The following ANKRD18A variants were observed in gnomAD, a reference collection of about 807,000 sequenced individuals.
ANKRD18A encodes ankyrin repeat domain-containing protein 18A.
Under a neutral mutation model 110.6 loss-of-function variants are expected in ANKRD18A, and 72 were observed. The ratio of observed to expected loss-of-function variants is 0.65; its 90% CI spans 0.54 to 0.79. ANKRD18A has a LOEUF of 0.79. Ranked by LOEUF, ANKRD18A falls within the 30% of genes least tolerant of loss-of-function variation. The pLI is 0.00. For missense variants in ANKRD18A, 934 were observed against 1,163.3 expected, an observed-to-expected ratio of 0.80 and a Z score of 2.87; for synonymous variants, 305 against 410.3, an observed-to-expected ratio of 0.74 and a Z score of 3.10.
chr9:38,596,798 C>T (rs1824901486), intron 8 of ANKRD18A, among the ~76,000 whole-genome samples: 1 of 152,090 alleles, frequency 6.6e-6, no homozygotes, highest in Non-Finnish European at 1.5e-5. Context: ...ATAGTAAGAC[C>T]TTTACCTCGA....
At chr9:38,570,241 G>A (rs1313026999), downstream of ANKRD18A, among the ~76,000 whole-genome samples, 1 of 151,980 alleles carries the variant, frequency 6.6e-6, no homozygotes, top group Non-Finnish European at 1.5e-5. Flanking sequence ...GGTCCCCACT[G>A]ACTGGGTTCG....
chr9:38,567,062 G>A (rs1430430276), downstream of ANKRD18A: 2 of 152,164 alleles, frequency 1.3e-5, no homozygotes, highest in Non-Finnish European at 2.9e-5. Context: ...GCTTCTTTGA[G>A]ACTCTTCACA....
At chr9:38,584,915 C>T (rs1824314602) in intron 12 of ANKRD18A, among the ~76,000 whole-genome samples, 1 of 152,104 alleles carries the variant, frequency 6.6e-6, no homozygotes, top group Non-Finnish European at 1.5e-5. Flanking sequence ...GGTTTACTTT[C>T]TAACCTGATT....
At chr9:38,620,010 A>T in intron 1 of ANKRD18A, 70 bp downstream of exon 1, 1 of 1,527,272 alleles carries the variant, frequency 6.5e-7, no homozygotes, top group Non-Finnish European at 8.8e-7. Flanking sequence ...TCCCCGCCCC[A>T]GGGGCTGCCG....
intron 9 of ANKRD18A, among the ~76,000 whole-genome samples, chr9:38,594,198 T>C (rs530126771): frequency 6.6e-6 from 1 of 152,340 alleles, no homozygotes; most frequent in South Asian, 2.1e-4. Flanking sequence ...AGTCGCCTGT[T>C]GAAATCCTTC....
chr9:38,593,619 G>A (rs879495012), intron 10 of ANKRD18A, 141 bp downstream of exon 10: 53 of 919,246 alleles, frequency 5.8e-5, no homozygotes, highest in African/African-American at 1.9e-4. Context: ...GAAGAAGTAC[G>A]TTATAAAGAT....
chr9:38,578,022 C>G lies in ANKRD18A; in HGVS notation c.2374G>C (p.Glu792Gln). 6.4e-7 allele frequency: 1 copy of G among 1,554,286 alleles called. No individual in the cohort carries two copies. The highest frequency in any genetic ancestry group is 8.7e-7 in the Non-Finnish European group (1 of 1,147,652). ...RNVQEKCEKL[E>Q]KDKKMLEEEV... is the part of the protein sequence containing the mutation. ...TCTTCCAACATCTTTTTATCCTTCT[C>G]AAGTTTTTCACATTTCTCTTGTACA... Residue 792 changes from glutamate (E) to glutamine (Q), a missense_variant, in exon 13 of 16, where the codon GAG (glutamate) becomes CAG (glutamine). Physicochemically the swap from Glu to Gln is conservative, Grantham distance 29 (BLOSUM62 2). Transcript: ENST00000399703.
In ANKRD18A at chr9:38,601,193, G is replaced by C. The variant is rs1200002843; in HGVS notation, c.874C>G (p.Leu292Val). Residue 292 changes from leucine to valine, a missense_variant, in exon 8 of 16, where the codon CTA becomes GTA. Physicochemically the swap from Leu to Val is conservative, Grantham distance 32. Coordinates refer to ENST00000399703, the MANE Select transcript of ANKRD18A (RefSeq NM_147195.4). ...RKERAKAEHNLKVASEEKQER... is the reference protein window; with the variant it reads ...RKERAKAEHNVKVASEEKQER... The stretch of plus-strand genomic sequence containing the variant: ...TGCTTTTCCTCTGAAGCCACTTTTA[G>C]GTTGTGTTCTGCTGACAAATCCATA... 2 of 1,557,378 alleles carry C rather than the reference G, an allele frequency of 1.3e-6. No homozygotes were observed. The highest frequency in any genetic ancestry group is 2.4e-5 in the East Asian group (1 of 41,728).
At chr9:38,610,930 A>G (rs1426611984) in intron 4 of ANKRD18A, among the ~76,000 whole-genome samples, 1 of 151,450 alleles carries the variant, frequency 6.6e-6, no homozygotes, top group African/African-American at 2.4e-5. Flanking sequence ...ACTTCATAAA[A>G]TTAATAAAAT....
At chr9:38,576,327 G>A (rs1823894445) in intron 14 of ANKRD18A, among the ~76,000 whole-genome samples, 1 of 152,182 alleles carries the variant, frequency 6.6e-6, no homozygotes, top group South Asian at 2.1e-4. Flanking sequence ...CTGGTTGGTT[G>A]GTGATCAAAA....
chr9:38,598,943 C>A (rs1825006625), intron 8 of ANKRD18A, among the ~76,000 whole-genome samples: 1 of 152,146 alleles, frequency 6.6e-6, no homozygotes, highest in Admixed American at 6.5e-5. Flanking sequence ...AGACTGAGGC[C>A]AATGTCTAAT....
At position 38,586,137 on chromosome 9, in the gene ANKRD18A, C is replaced by A. The variant is rs1365232392; in HGVS notation, c.2247+46G>T. The A allele has an allele frequency of 6.6e-6, 10 of 1,513,112 alleles. No individual in the cohort carries two copies. In the African/African-American group the frequency reaches 1.4e-4, roughly 22 times the overall value. The allele number at this position is 1,513,112 out of a possible 1,614,324, so 93.7% of individuals were successfully genotyped here. A position where few individuals can be genotyped will look rare whatever the true frequency, so the allele number is the denominator to read the frequency against. ...ATGTAACAAACCTGTACCTCTTACA[C>A]ATGTAATCTAGACCTTAAGATAAAA... On this transcript the variant is annotated intron_variant, in intron 12 of 15. Transcript: ENST00000399703.
rs765294632 is a variant in ANKRD18A at position 38,615,695 on chromosome 9, T to C, written c.394A>G (p.Ile132Val). The C allele has an allele frequency of 6.2e-7, 1 of 1,612,732 alleles. No individual in the cohort carries two copies. Among genetic ancestry groups the C allele is most frequent in the South Asian group, 1.1e-5 (1 of 91,018 alleles). The part of the protein sequence containing the change: ...ECGANPNIED[I>V]YGNTALHYAV... ...TAATGGAGAGCAGTGTTGCCGTAGATATCCTCAATGTTTGGATTGGCGCCA... is the reference window on the plus strand; with the variant it reads ...TAATGGAGAGCAGTGTTGCCGTAGACATCCTCAATGTTTGGATTGGCGCCA... Residue 132 changes from isoleucine (I) to valine (V), a missense_variant, in exon 3 of 16, where the codon ATC becomes GTC. Around this residue, in one of 4 missense-constraint regions of ANKRD18A, gnomAD observed 630 missense variants for 797.5 expected, o/e 0.79. Transcript: ENST00000399703.
At chr9:38,578,836 C>T (rs1339814713) in intron 12 of ANKRD18A, among the ~76,000 whole-genome samples, 1 of 152,158 alleles carries the variant, frequency 6.6e-6, no homozygotes, top group Non-Finnish European at 1.5e-5. Context: ...TGAATTATGA[C>T]CACATCACTG....
chr9:38,589,046 T>C (rs1318494036), intron 10 of ANKRD18A, among the ~76,000 whole-genome samples: 2 of 152,246 alleles, frequency 1.3e-5, no homozygotes, highest in Non-Finnish European at 2.9e-5. Context: ...TACATCTTAC[T>C]AAGATGATTT....
chr9:38,613,682 G>T (rs1009189466), intron 3 of ANKRD18A, among the ~76,000 whole-genome samples: 3 of 152,086 alleles, frequency 2.0e-5, no homozygotes, highest in African/African-American at 7.2e-5. Flanking sequence ...TGACTTCAAG[G>T]ATTTCAGTGT....
At chr9:38,604,224 G>A (rs1825255169) in intron 6 of ANKRD18A, 1 of 151,524 alleles carries the variant, frequency 6.6e-6, no homozygotes, top group African/African-American at 2.4e-5. Flanking sequence ...CTTGAACCTG[G>A]GAGGTGAAGG....
In ANKRD18A at chr9:38,620,257, C is replaced by A. The variant is rs1438585043; in HGVS notation, c.29G>T (p.Arg10Leu). MRKLFSFGR[R>L]LGQALLSSMD... is the part of the protein sequence containing the mutation. ...GGAGCTCAGGAGCGCCTGGCCCAGG[C>A]GTCTCCCGAAGCTGAAGAGCTTCCT... The change falls in exon 1 of 16, where the codon CGC becomes CTC. Residue 10 changes from arginine (R) to leucine (L), a missense_variant. Arg to Leu is a moderately radical substitution (Grantham distance 102, BLOSUM62 -2). This residue lies in a region of ANKRD18A where 630 missense variants were observed against 797.5 expected (regional missense o/e 0.79). Coordinates refer to ENST00000399703, the MANE Select transcript of ANKRD18A (RefSeq NM_147195.4). The A allele has an allele frequency of 2.6e-5, 41 of 1,551,134 alleles. No homozygotes were observed. Among genetic ancestry groups the A allele is most frequent in the Non-Finnish European group, 3.1e-5 (36 of 1,146,798 alleles).
At chr9:38,617,680 A>G (rs1323620791) in intron 1 of ANKRD18A, among the ~76,000 whole-genome samples, 1 of 152,156 alleles carries the variant, frequency 6.6e-6, no homozygotes, top group Non-Finnish European at 1.5e-5. Flanking sequence ...TGGGAGGAAA[A>G]GCTTCAGTGA....
Sources: allele counts gnomAD v4.1 joint callset (sites outside exome capture counted in the v4.1 genomes callset), GRCh38; gene constraint gnomAD v4.1.1; regional missense constraint gnomAD v4.1.1; transcripts MANE v1.5; gene names NCBI Gene and HGNC (gene_info 2026-07-23, HGNC 2026-07-21).